Variants in AGO3 observed in about 807,000 individuals in gnomAD.
AGO3 encodes protein argonaute-3.
Under a neutral mutation model 105.5 loss-of-function variants are expected in AGO3, and 16 were observed. That is an observed-to-expected ratio of 0.15 (90% CI 0.10 to 0.23). The LOEUF (loss-of-function observed/expected upper bound fraction) is 0.23. AGO3 is among the 10% of genes least tolerant of loss of function. The pLI is 1.00. For synonymous variants in AGO3, 340 were observed against 367.3 expected, an observed-to-expected ratio of 0.93 and a Z score of 0.85; for missense variants, 534 against 1,088.0, an observed-to-expected ratio of 0.49 and a Z score of 7.16.
At chr1:35,951,439 C>T (rs1379480235) in intron 2 of AGO3, among the ~76,000 whole-genome samples, 3 of 152,002 alleles carry the variant, frequency 2.0e-5, no homozygotes, top group African/African-American at 4.8e-5. Context: ...GCTCTGTCAC[C>T]CAGGCTGGAG....
rs1331780138 is a variant in AGO3 at position 36,066,978 on chromosome 1, A to G, written c.*11233A>G. ...TAAATTTATATGATAATGTTGTCCC[A>G]GACCCAAAGGCACACCTATTCTCAG... On this transcript the variant is annotated 3_prime_UTR_variant, in exon 19 of 19. Transcript: ENST00000373191. 6.6e-6 allele frequency: 1 copy of G among 152,242 alleles called. No homozygotes were observed. The highest frequency in any genetic ancestry group is 1.5e-5 in the Non-Finnish European group (1 of 68,040). The allele number at this position is 152,242 out of a possible 1,614,324, so 9.4% of individuals were successfully genotyped here.
At chr1:35,980,641 G>A (rs1421657999) in intron 5 of AGO3, among the ~76,000 whole-genome samples, 1 of 152,158 alleles carries the variant, frequency 6.6e-6, no homozygotes, top group East Asian at 1.9e-4. Flanking sequence ...CTTTTTCCTT[G>A]AGTACCTTGT....
intron 1 of AGO3, among the ~76,000 whole-genome samples, chr1:35,931,991 A>G (rs1258700940): frequency 6.6e-6 from 1 of 152,206 alleles, no homozygotes; most frequent in East Asian, 1.9e-4. Context: ...GAGCTTGGAA[A>G]TGTCATAGCA....
intron 5 of AGO3, chr1:35,982,760 C>A: frequency 3.2e-6 from 2 of 628,932 alleles, no homozygotes; most frequent in Admixed American, 2.9e-5. Flanking sequence ...AAGGATTAAG[C>A]TGAAAAAATA....
At chr1:36,010,904 CA>C (rs759368411) in intron 9 of AGO3, among the ~76,000 whole-genome samples, 263 of 32,996 alleles carry the variant, frequency 8.0e-3, no homozygotes, top group Middle Eastern at 0.012. Context: ...GAAACTCTGT[CA>C]AAAAAAAAAA....
chr1:35,962,974 A>T (rs1296948773), intron 2 of AGO3, among the ~76,000 whole-genome samples: 2 of 152,366 alleles, frequency 1.3e-5, no homozygotes, highest in Non-Finnish European at 1.5e-5. Flanking sequence ...GATTAGGCTA[A>T]CAAAAATTAG....
intron 16 of AGO3, among the ~76,000 whole-genome samples, chr1:36,041,708 G>C (rs1478667079): frequency 1.3e-5 from 2 of 152,140 alleles, no homozygotes; most frequent in African/African-American, 4.8e-5. Context: ...ACTAAGAGAG[G>C]GGTGTTTTTC....
rs564240769 is a variant in AGO3 at position 35,990,432 on chromosome 1, C to T, written c.659-13909C>T. Among the ~76,000 whole-genome samples, 136 of 152,168 alleles carry T rather than the reference C, an allele frequency of 8.9e-4. 1 individual carries two copies. The highest frequency in any genetic ancestry group is 3.4e-3 in the Middle Eastern group (1 of 294). Reference sequence around the variant, plus strand: ...CTGAGGCAGGAGAATGGCGTGAACCCGGGAGGCGGAGCTTGCAGTGAGCCA... The same window carrying T: ...CTGAGGCAGGAGAATGGCGTGAACCTGGGAGGCGGAGCTTGCAGTGAGCCA... On this transcript the variant is annotated intron_variant, in intron 5 of 18. Transcript: ENST00000373191.
rs75796712 is a variant in AGO3, at chr1:35,971,809, G to C, written c.313-215G>C. ...TTTTCATAGCCGCATAGATGTTGGA[G>C]CATTTAGGGTAGTTTCCAGTATTTT... On this transcript the variant is annotated intron_variant, in intron 3 of 18. Transcript: ENST00000373191. Among the ~76,000 whole-genome samples, 1,226 of 152,082 alleles carry C rather than the reference G, an allele frequency of 8.1e-3. 15 individuals are homozygous for C. The highest frequency in any genetic ancestry group is 0.028 in the African/African-American group (1,165 of 41,474).
chr1:35,995,404 C>G (rs935810452), intron 5 of AGO3, among the ~76,000 whole-genome samples: 1 of 151,788 alleles, frequency 6.6e-6, no homozygotes, highest in Admixed American at 6.6e-5. Context: ...AACAGTGATA[C>G]TGGGGTAAAG....
intron 17 of AGO3, among the ~76,000 whole-genome samples, chr1:36,043,760 A>G (rs1642346691): frequency 6.6e-6 from 1 of 152,166 alleles, no homozygotes; most frequent in East Asian, 1.9e-4. Context: ...ACCAGAATAT[A>G]AGTAGTTTAA....
At position 35,931,459 on chromosome 1, in the gene AGO3, G is replaced by T; in HGVS notation, c.19+14G>T. ...TCGGCTCCGCAGGTGAGTCAGAGTA[G>T]CTGGGCCAGGTAGGGGATGTCACCC... is the stretch of plus-strand genomic sequence containing the variant. On this transcript the variant is annotated intron_variant, in intron 1 of 18. Coordinates refer to ENST00000373191, the MANE Select transcript of AGO3 (RefSeq NM_024852.4). 1 of 1,507,620 alleles carries T rather than the reference G, an allele frequency of 6.6e-7. No individual in the cohort carries two copies. The highest frequency in any genetic ancestry group is 8.9e-7 in the Non-Finnish European group (1 of 1,126,568). 93.4% of individuals were successfully genotyped at this position (1,507,620 alleles called of 1,614,324 possible). A position where few individuals can be genotyped will look rare whatever the true frequency, so the allele number is the denominator to read the frequency against.
At chr1:35,931,965 G>A (rs1254246088) in intron 1 of AGO3, among the ~76,000 whole-genome samples, 5 of 152,198 alleles carry the variant, frequency 3.3e-5, no homozygotes, top group Admixed American at 3.3e-4. Flanking sequence ...TGGCAGCATG[G>A]TAGATAGTTT....
At chr1:35,998,125 A>G (rs1242323035) in intron 5 of AGO3, among the ~76,000 whole-genome samples, 5 of 152,170 alleles carry the variant, frequency 3.3e-5, no homozygotes, top group African/African-American at 1.2e-4. Flanking sequence ...TTTGAACATT[A>G]GTCTATTTTG....
At chr1:35,953,353 A>C (rs147052812) in intron 2 of AGO3, among the ~76,000 whole-genome samples, 68 of 152,152 alleles carry the variant, frequency 4.5e-4, no homozygotes, top group African/African-American at 1.5e-3. Flanking sequence ...TATTCTCACC[A>C]ATATGTTATT....
intron 5 of AGO3, among the ~76,000 whole-genome samples, chr1:35,977,419 G>T (rs1180395708): frequency 1.4e-5 from 2 of 145,584 alleles, no homozygotes; most frequent in African/African-American, 5.1e-5. Context: ...TTGAGACAGG[G>T]TCTTGCTCTG....
At position 35,944,887 on chromosome 1, in the gene AGO3, C is replaced by T. The variant is rs900474143; in HGVS notation, c.20-805C>T. Among the ~76,000 whole-genome samples, 3 of 152,248 alleles carry T rather than the reference C, an allele frequency of 2.0e-5. No individual in the cohort carries two copies. The South Asian group carries it at 6.2e-4, about 32-fold the overall frequency. ...GCATAATCTTGGCGCATTGCAAACT[C>T]TGCCTCACAGGCTCAAGCCATTCTC... On this transcript the variant is annotated intron_variant, in intron 1 of 18. Transcript: ENST00000373191.
chr1:35,931,517 C>A, intron 1 of AGO3, 72 bp downstream of exon 1: 1 of 1,320,356 alleles, frequency 7.6e-7, no homozygotes, highest in Non-Finnish European at 9.8e-7. Context: ...CTGCTCCTCC[C>A]GCCCGGCCCA....
chr1:36,010,830 C>T (rs1297173913), intron 9 of AGO3, among the ~76,000 whole-genome samples: 10 of 144,814 alleles, frequency 6.9e-5, no homozygotes, highest in Non-Finnish European at 1.5e-4. Context: ...CGCTTGAACC[C>T]GGGAGGCGCA....
Sources: gnomAD v4.1 joint callset for allele counts (sites outside exome capture counted in the v4.1 genomes callset) on GRCh38, gnomAD v4.1.1 for gene constraint, MANE v1.5 for transcripts, NCBI Gene and HGNC (gene_info 2026-07-23, HGNC 2026-07-21) for gene names.